The following GRID2 variants were observed in gnomAD, a reference collection of about 807,000 sequenced individuals.
GRID2 encodes glutamate ionotropic receptor delta type subunit 2, also known as glutamate receptor ionotropic, delta-2.
Under a neutral mutation model 114.8 loss-of-function variants are expected in GRID2, and 33 were observed. The observed-to-expected ratio is 0.29, with a 90% CI of 0.22 to 0.38. The LOEUF is 0.38. Ranked by LOEUF, GRID2 falls within the 10% of genes least tolerant of loss-of-function variation. GRID2 has a pLI of 1.00. For missense variants in GRID2, 1,184 were observed against 1,257.7 expected, an observed-to-expected ratio of 0.94 and a Z score of 0.89; for synonymous variants, 505 against 449.9, an observed-to-expected ratio of 1.12 and a Z score of -1.55.
intron 8 of GRID2, among the ~76,000 whole-genome samples, chr4:93,266,252 A>G (rs771710414): frequency 6.6e-6 from 1 of 152,158 alleles, no homozygotes; most frequent in Non-Finnish European, 1.5e-5. Flanking sequence ...AACAACATTG[A>G]ACAAAACAAT....
chr4:92,995,350 G>A (rs755896301), intron 2 of GRID2, among the ~76,000 whole-genome samples: 29 of 152,134 alleles, frequency 1.9e-4, no homozygotes, highest in Admixed American at 3.9e-4. Flanking sequence ...GGAGTGAGGA[G>A]GGAGAAAACT....
intron 7 of GRID2, among the ~76,000 whole-genome samples, chr4:93,233,022 T>A (rs547091695): frequency 2.5e-4 from 38 of 152,150 alleles, no homozygotes; most frequent in Non-Finnish European, 4.4e-4. Context: ...TACTTAGGCC[T>A]GAGAGTGATA....
At chr4:93,656,906 A>AT (rs764658914) in intron 14 of GRID2, among the ~76,000 whole-genome samples, 2 of 150,120 alleles carry the variant, frequency 1.3e-5, no homozygotes, top group African/African-American at 2.5e-5. Flanking sequence ...AAGAGGTTCA[A>AT]TTTTTTCTTG....
chr4:93,065,931 T>G (rs912890019), intron 2 of GRID2, among the ~76,000 whole-genome samples: 1 of 151,970 alleles, frequency 6.6e-6, no homozygotes, highest in Non-Finnish European at 1.5e-5. Flanking sequence ...GTGTTCACTA[T>G]GTATCAGTCA....
At chr4:93,228,648 G>A (rs545126050) in intron 7 of GRID2, among the ~76,000 whole-genome samples, 73 of 152,152 alleles carry the variant, frequency 4.8e-4, no homozygotes, top group Non-Finnish European at 7.9e-4. Flanking sequence ...TCAAGGTGTT[G>A]CCAAAATCTT....
At chr4:93,223,908 T>A (rs763969262) in intron 6 of GRID2, among the ~76,000 whole-genome samples, 5 of 152,152 alleles carry the variant, frequency 3.3e-5, no homozygotes, top group Non-Finnish European at 5.9e-5. Context: ...TTTTTCAATC[T>A]ATGTAGAAAG....
intron 2 of GRID2, among the ~76,000 whole-genome samples, chr4:93,012,126 T>C (rs1018746041): frequency 2.0e-5 from 3 of 150,788 alleles, no homozygotes; most frequent in South Asian, 4.2e-4. Context: ...GTAAGTGTAC[T>C]TCAGATAAGA....
intron 2 of GRID2, chr4:92,822,150 C>T (rs1007476073): frequency 2.8e-6 from 1 of 359,366 alleles, no homozygotes; most frequent in African/African-American, 2.2e-5. Flanking sequence ...TTCTAAGTCC[C>T]AGATCTTGAT....
At chr4:92,998,889 G>A (rs1048795421) in intron 2 of GRID2, among the ~76,000 whole-genome samples, 6 of 151,814 alleles carry the variant, frequency 4.0e-5, no homozygotes, top group Non-Finnish European at 7.4e-5. Context: ...GCTATGCTTA[G>A]ATTTAAAATT....
intron 8 of GRID2, among the ~76,000 whole-genome samples, chr4:93,322,100 G>T (rs1757290384): frequency 1.3e-5 from 2 of 149,736 alleles, no homozygotes; most frequent in African/African-American, 5.0e-5. Flanking sequence ...ACAACATGCA[G>T]GTTTGTTACA....
At chr4:93,382,524 T>C (rs1763951783) in intron 8 of GRID2, among the ~76,000 whole-genome samples, 2 of 152,060 alleles carry the variant, frequency 1.3e-5, no homozygotes, top group Non-Finnish European at 2.9e-5. Flanking sequence ...TGAAAATCTC[T>C]GGCAAATTTT....
At chr4:92,620,901 C>T (rs1277884649) in intron 2 of GRID2, among the ~76,000 whole-genome samples, 3 of 150,106 alleles carry the variant, frequency 2.0e-5, no homozygotes, top group African/African-American at 7.3e-5. Context: ...ATGTAACAAA[C>T]CTGCATATTG....
At chr4:93,798,155 A>G (rs1482751826) in intron 1 of GRID2, among the ~76,000 whole-genome samples, 1 of 152,120 alleles carries the variant, frequency 6.6e-6, no homozygotes, top group Non-Finnish European at 1.5e-5. Context: ...TTCCTTCTCA[A>G]GAAGAAAAAA....
intron 2 of GRID2, among the ~76,000 whole-genome samples, chr4:92,752,568 CTG>C (rs1384368588): frequency 1.3e-5 from 2 of 152,070 alleles, no homozygotes; most frequent in South Asian, 4.1e-4. Flanking sequence ...TTTAGGATAT[CTG>C]TGAAAAAGTA....
chr4:93,279,191 G>A (rs1381342290), intron 8 of GRID2, among the ~76,000 whole-genome samples: 1 of 151,446 alleles, frequency 6.6e-6, no homozygotes, highest in Non-Finnish European at 1.5e-5. Context: ...GGCATCTTGA[G>A]TTTGTTTACA....
At chr4:93,128,659 G>T (rs1734522570) in intron 4 of GRID2, among the ~76,000 whole-genome samples, 1 of 152,012 alleles carries the variant, frequency 6.6e-6, no homozygotes, top group Admixed American at 6.6e-5. Flanking sequence ...AAGAGGAGCA[G>T]GAATGGAAAC....
At chr4:92,704,150 C>T (rs566492583) in intron 2 of GRID2, among the ~76,000 whole-genome samples, 4 of 152,172 alleles carry the variant, frequency 2.6e-5, no homozygotes, top group East Asian at 1.9e-4. Flanking sequence ...TCGCGGCGGG[C>T]GCCTGTAGTC....
chr4:93,578,587 A>ATTTTTTTTTTTTTTTTTTT (rs59397408), intron 13 of GRID2, among the ~76,000 whole-genome samples: 13 of 83,930 alleles, frequency 1.5e-4, no homozygotes, highest in African/African-American at 5.7e-4. Context: ...TGTTTTTTGT[A>ATTTTTTTTTTTTTTTTTTT]TTTTTTTTTT....
chr4:93,711,540 G>T (rs1000960544), intron 14 of GRID2, among the ~76,000 whole-genome samples: 4 of 152,156 alleles, frequency 2.6e-5, no homozygotes, highest in African/African-American at 9.7e-5. Flanking sequence ...TTCAGCCCAC[G>T]GTGGTGGGGC....
Sources: allele counts gnomAD v4.1 joint callset (sites outside exome capture counted in the v4.1 genomes callset), GRCh38; gene constraint gnomAD v4.1.1; transcripts MANE v1.5; gene names NCBI Gene and HGNC (gene_info 2026-07-23, HGNC 2026-07-21).